Variants in TLE1 observed in about 807,000 individuals in gnomAD.
TLE1 encodes the protein transducin-like enhancer protein 1.
A neutral mutation model predicts 89.8 loss-of-function variants in TLE1; 21 were observed. The ratio of observed to expected loss-of-function variants is 0.23; its 90% CI spans 0.17 to 0.34. The LOEUF is 0.34. Ranked by LOEUF, TLE1 falls within the 10% of genes least tolerant of loss-of-function variation. TLE1 has a pLI of 1.00. For missense variants in TLE1, 795 were observed against 1,031.2 expected (o/e 0.77, Z 3.14); for synonymous variants, 447 against 407.6 (o/e 1.10, Z -1.16).
chr9:81,632,021 C>T (rs1412100586), intron 8 of TLE1, among the ~76,000 whole-genome samples: 1 of 151,888 alleles, frequency 6.6e-6, no homozygotes, highest in Non-Finnish European at 1.5e-5. Context: ...ACCCAGGAGG[C>T]GGAGGTTGCA....
At chr9:81,668,628 A>G (rs1831810559) in intron 4 of TLE1, among the ~76,000 whole-genome samples, 1 of 152,156 alleles carries the variant, frequency 6.6e-6, no homozygotes. Context: ...TCAGGATGGG[A>G]AAAAAAGTGT....
intron 13 of TLE1, 148 bp downstream of exon 13, chr9:81,611,620 TG>T: frequency 4.4e-6 from 3 of 684,088 alleles, no homozygotes; most frequent in African/African-American, 1.9e-5. Context: ...AGTGTGTGGC[TG>T]GGAGACTGGG....
In TLE1 at chr9:81,631,516, ACTC is replaced by A. The variant is rs927551364; in HGVS notation, c.594+1829_594+1831del. On this transcript the variant is annotated intron_variant, in intron 8 of 19. Coordinates refer to ENST00000376499, the MANE Select transcript of TLE1 (RefSeq NM_005077.5). ...GCTTCTTTTAGTAATTGTGTCACTC[ACTC>A]CTCCTCGATTCTCTGGGAAAGGGCT... Among the ~76,000 whole-genome samples the A allele has an allele frequency of 2.1e-4, 32 of 151,788 alleles. No homozygotes were observed. The East Asian group carries it at 2.9e-3, about 14-fold the overall frequency.
intron 4 of TLE1, among the ~76,000 whole-genome samples, chr9:81,679,661 G>A (rs908193434): frequency 1.3e-5 from 2 of 152,060 alleles, no homozygotes; most frequent in African/African-American, 2.4e-5. Flanking sequence ...GACAGAAACA[G>A]CTGTCTAAAA....
intron 11 of TLE1, among the ~76,000 whole-genome samples, chr9:81,615,296 T>G (rs528724877): frequency 6.8e-6 from 1 of 147,922 alleles, no homozygotes; most frequent in South Asian, 2.2e-4. Flanking sequence ...GCCACTGCAC[T>G]CCAGCCTGGG....
At chr9:81,622,252 C>T (rs1055942477) in intron 8 of TLE1, among the ~76,000 whole-genome samples, 5 of 152,188 alleles carry the variant, frequency 3.3e-5, no homozygotes, top group African/African-American at 1.2e-4. Context: ...TGTGCAGCAT[C>T]CACGGCAGGG....
At chr9:81,596,815 C>T (rs1290687325) in intron 14 of TLE1, among the ~76,000 whole-genome samples, 1 of 152,206 alleles carries the variant, frequency 6.6e-6, no homozygotes, top group Non-Finnish European at 1.5e-5. Flanking sequence ...AATGATCCTG[C>T]TCTGTTCCTT....
chr9:81,612,044 T>G, intron 12 of TLE1, 85 bp from the exon 13 acceptor site: 1 of 1,093,164 alleles, frequency 9.1e-7, no homozygotes, highest in East Asian at 3.0e-5. Context: ...CATTTGTTAG[T>G]GTCACTCATG....
intron 4 of TLE1, among the ~76,000 whole-genome samples, chr9:81,670,671 C>T (rs1564062844): frequency 1.4e-5 from 2 of 145,734 alleles, no homozygotes; most frequent in East Asian, 4.0e-4. Flanking sequence ...TCCTTATTAA[C>T]TTTGAGCAAT....
chr9:81,645,263 C>T (rs1423105989), intron 6 of TLE1, among the ~76,000 whole-genome samples: 1 of 150,882 alleles, frequency 6.6e-6, no homozygotes, highest in Non-Finnish European at 1.5e-5. Context: ...GGAGGGGAGG[C>T]TGAGGCAGAA....
chr9:81,611,915 C>A lies in TLE1; in HGVS notation c.1108G>T (p.Ala370Ser). The A allele has an allele frequency of 6.6e-7, 1 of 1,520,790 alleles. No individual in the cohort carries two copies. Among genetic ancestry groups the A allele is most frequent in the Admixed American group, 2.4e-5 (1 of 42,352 alleles). The allele number at this position is 1,520,790 out of a possible 1,614,324, so 94.2% of individuals were successfully genotyped here. ...GCGTGGGGGACCATCCCAAAAGGAG[C>A]AGGATATGGGCCGGGCACTGCCAGG... ...TPLAVPGPYP[A>S]PFGMVPHAGM... Residue 370 changes from alanine to serine, a missense_variant, in exon 13 of 20, where the codon GCT becomes TCT. By Grantham distance (99) the Ala-to-Ser change is moderately conservative. This residue lies in a region of TLE1 where 468 missense variants were observed against 509.1 expected (regional missense o/e 0.92). Coordinates refer to ENST00000376499, the MANE Select transcript of TLE1 (RefSeq NM_005077.5).
chr9:81,612,679 C>T (rs951976833), intron 12 of TLE1, among the ~76,000 whole-genome samples: 10 of 152,166 alleles, frequency 6.6e-5, no homozygotes, highest in Non-Finnish European at 1.0e-4. Context: ...CAAAGTCAGA[C>T]GCACAATGCT....
chr9:81,609,489 C>G (rs1010035235), intron 14 of TLE1, among the ~76,000 whole-genome samples: 1 of 152,190 alleles, frequency 6.6e-6, no homozygotes, highest in Non-Finnish European at 1.5e-5. Flanking sequence ...TTTAGCAATT[C>G]TTTGAAATCA....
intron 8 of TLE1, among the ~76,000 whole-genome samples, chr9:81,628,915 G>A (rs1425176394): frequency 6.6e-6 from 1 of 152,084 alleles, no homozygotes; most frequent in African/African-American, 2.4e-5. Flanking sequence ...CCAGAATTCT[G>A]CAAAAGAGCA....
Position 81,587,907 on chromosome 9 carries a change from CGTGTGTGTGTGTGTGTGTGT to C in TLE1, c.1830-99_1830-80del, listed in dbSNP as rs71496083. 2.7e-3 allele frequency: 2,039 copies of C among 750,606 alleles called. 4 individuals are homozygous for C. Among genetic ancestry groups the C allele is most frequent in the Middle Eastern group, 8.0e-3 (26 of 3,252 alleles). 46.5% of individuals were successfully genotyped at this position (750,606 alleles called of 1,614,324 possible). Reference sequence around the variant, plus strand: ...CACTGTTGTGTTGTTAGTTTTGGACCGTGTGTGTGTGTGTGTGTGTGTGTGTGTGTGTGTGTGTGATCCCG... The same window carrying C: ...CACTGTTGTGTTGTTAGTTTTGGACCGTGTGTGTGTGTGTGTGTGATCCCG... On this transcript the variant is annotated intron_variant, in intron 16 of 19. Coordinates refer to ENST00000376499, the MANE Select transcript of TLE1 (RefSeq NM_005077.5).
chr9:81,632,800 T>G (rs929585101), intron 8 of TLE1, among the ~76,000 whole-genome samples: 4 of 152,114 alleles, frequency 2.6e-5, no homozygotes, highest in Non-Finnish European at 5.9e-5. Flanking sequence ...AAAATAGATA[T>G]AAGATCAAGT....
At chr9:81,597,927 A>G (rs1037100622) in intron 14 of TLE1, among the ~76,000 whole-genome samples, 1 of 152,074 alleles carries the variant, frequency 6.6e-6, no homozygotes, top group African/African-American at 2.4e-5. Flanking sequence ...TGTTAATAAA[A>G]CTATGCTGTG....
Position 81,652,211 on chromosome 9 carries a change from T to C in TLE1, c.372+3A>G. On this transcript the variant is annotated splice_donor_region_variant and intron_variant, in intron 6 of 19. Transcript: ENST00000376499. ...TAGGAGGTAGACCTGGTAGGCCACGTACCCCGATGATGGCATTCAATTCTG... is the reference window on the plus strand; with the variant it reads ...TAGGAGGTAGACCTGGTAGGCCACGCACCCCGATGATGGCATTCAATTCTG... 6.2e-7 allele frequency: 1 copy of C among 1,613,724 alleles called. No individual in the cohort carries two copies.
At chr9:81,670,216 C>T (rs973772299) in intron 4 of TLE1, among the ~76,000 whole-genome samples, 10 of 152,204 alleles carry the variant, frequency 6.6e-5, no homozygotes, top group African/African-American at 2.4e-4. Flanking sequence ...CTCTTTACAG[C>T]CATATTAACC....
Sources: gnomAD v4.1 joint callset for allele counts (sites outside exome capture counted in the v4.1 genomes callset) on GRCh38, gnomAD v4.1.1 for gene constraint, gnomAD v4.1.1 regional missense constraint, MANE v1.5 for transcripts, NCBI Gene and HGNC (gene_info 2026-07-23, HGNC 2026-07-21) for gene names.